The following MALRD1 variants were observed in gnomAD, a reference collection of about 807,000 sequenced individuals.
MALRD1 encodes the protein MAM and LDL-receptor class A domain-containing protein 1.
In MALRD1, 247 loss-of-function variants were observed where a neutral mutation model predicts 242.1. That is an observed-to-expected ratio of 1.02 (90% CI 0.92 to 1.13). MALRD1 has a LOEUF of 1.13. Ranked by LOEUF, MALRD1 falls within the 50% of genes most tolerant of loss-of-function variation. MALRD1 has a pLI of 0.00. For synonymous variants in MALRD1, 995 were observed against 866.6 expected (o/e 1.15, Z -2.60); for missense variants, 2,989 against 2,533.1 (o/e 1.18, Z -3.86).
chr10:19,226,406 C>A (rs1326628362), intron 18 of MALRD1, among the ~76,000 whole-genome samples: 1 of 152,104 alleles, frequency 6.6e-6, no homozygotes, highest in Non-Finnish European at 1.5e-5. Flanking sequence ...ATACTTTCTA[C>A]ATAAGATTAT....
chr10:19,247,077 A>G (rs747849201), intron 18 of MALRD1, among the ~76,000 whole-genome samples: 2 of 152,146 alleles, frequency 1.3e-5, no homozygotes, highest in South Asian at 2.1e-4. Context: ...TTGACGAAAC[A>G]TATAATCAAA....
intron 35 of MALRD1, among the ~76,000 whole-genome samples, chr10:19,609,883 A>T (rs1248618940): frequency 6.6e-6 from 1 of 151,952 alleles, no homozygotes; most frequent in Non-Finnish European, 1.5e-5. Flanking sequence ...AAAGGTCACT[A>T]AAAATGTAAA....
intron 36 of MALRD1, among the ~76,000 whole-genome samples, chr10:19,668,274 C>T (rs542975454): frequency 1.3e-5 from 2 of 152,276 alleles, no homozygotes; most frequent in African/African-American, 4.8e-5. Flanking sequence ...GCCAAACTCC[C>T]ACTGTCACCA....
intron 38 of MALRD1, among the ~76,000 whole-genome samples, chr10:19,718,453 C>T (rs532655066): frequency 1.3e-5 from 2 of 152,314 alleles, no homozygotes; most frequent in South Asian, 4.1e-4. Flanking sequence ...GGAGGTCCCA[C>T]ACACTTTTAA....
At chr10:19,415,310 A>G (rs945121047) in intron 28 of MALRD1, among the ~76,000 whole-genome samples, 4 of 152,160 alleles carry the variant, frequency 2.6e-5, no homozygotes, top group African/African-American at 9.6e-5. Context: ...ACTTGTATTC[A>G]TTTCAATAAA....
chr10:19,612,272 T>C (rs1262015516), intron 35 of MALRD1, among the ~76,000 whole-genome samples: 1 of 151,964 alleles, frequency 6.6e-6, no homozygotes, highest in Non-Finnish European at 1.5e-5. Context: ...GAGCTTATGT[T>C]TGTTCTGTTC....
chr10:19,716,293 A>G (rs113301828), intron 38 of MALRD1, among the ~76,000 whole-genome samples: 1 of 152,140 alleles, frequency 6.6e-6, no homozygotes. Flanking sequence ...CTGGGAGGTG[A>G]TTGAATCATG....
At chr10:19,547,205 T>C (rs1835245272) in intron 32 of MALRD1, among the ~76,000 whole-genome samples, 1 of 152,198 alleles carries the variant, frequency 6.6e-6, no homozygotes, top group South Asian at 2.1e-4. Flanking sequence ...CTCTTTCAAA[T>C]AATGTGGGGT....
At chr10:19,587,578 T>G (rs965709175) in intron 33 of MALRD1, among the ~76,000 whole-genome samples, 1 of 152,256 alleles carries the variant, frequency 6.6e-6, no homozygotes, top group Non-Finnish European at 1.5e-5. Context: ...TCATTGCAAA[T>G]TATCAGTGTG....
At chr10:19,240,946 G>T (rs1459201000) in intron 18 of MALRD1, among the ~76,000 whole-genome samples, 1 of 152,046 alleles carries the variant, frequency 6.6e-6, no homozygotes, top group East Asian at 1.9e-4. Context: ...TTTTTAGTGT[G>T]CTGTCGAAGT....
intron 36 of MALRD1, among the ~76,000 whole-genome samples, chr10:19,634,822 A>G (rs1840059195): frequency 6.6e-6 from 1 of 152,176 alleles, no homozygotes; most frequent in African/African-American, 2.4e-5. Context: ...TTGAAAAACA[A>G]CAACAACAAC....
intron 5 of MALRD1, among the ~76,000 whole-genome samples, chr10:19,106,111 T>C (rs1836452942): frequency 6.6e-6 from 1 of 152,052 alleles, no homozygotes; most frequent in South Asian, 2.1e-4. Context: ...TGTGAGTTTG[T>C]TACATGCATA....
chr10:19,407,378 A>G (rs1381741503), intron 28 of MALRD1, among the ~76,000 whole-genome samples: 5 of 152,186 alleles, frequency 3.3e-5, no homozygotes, highest in African/African-American at 1.2e-4. Flanking sequence ...ACAACTCAGG[A>G]CGCTGAGGTG....
At chr10:19,442,748 G>A (rs964914499) in intron 28 of MALRD1, among the ~76,000 whole-genome samples, 4 of 152,026 alleles carry the variant, frequency 2.6e-5, no homozygotes, top group African/African-American at 7.2e-5. Flanking sequence ...TTTTTGCATC[G>A]AGGTTCATCA....
chr10:19,302,943 A>G (rs916374852), intron 21 of MALRD1, among the ~76,000 whole-genome samples: 15 of 151,742 alleles, frequency 9.9e-5, no homozygotes, highest in African/African-American at 2.7e-4. Flanking sequence ...TCTTTAACTC[A>G]GGTTAGTTAG....
At chr10:19,333,011 T>TA (rs1843452114) in intron 24 of MALRD1, among the ~76,000 whole-genome samples, 1 of 152,080 alleles carries the variant, frequency 6.6e-6, no homozygotes, top group Non-Finnish European at 1.5e-5. Context: ...ATCCCTCCCC[T>TA]AGCCCCCTAC....
intron 18 of MALRD1, among the ~76,000 whole-genome samples, chr10:19,244,227 G>A (rs567490050): frequency 2.6e-5 from 4 of 152,030 alleles, no homozygotes; most frequent in Non-Finnish European, 4.4e-5. Flanking sequence ...TGGTTCCTTA[G>A]GCTTCTTATC....
rs140847332 is a variant in MALRD1 at position 19,163,489 on chromosome 10, G to A, written c.1657-2148G>A. Among the ~76,000 whole-genome samples the A allele has an allele frequency of 2.9e-3, 438 of 151,098 alleles. 18 individuals carry two copies. In the East Asian group the frequency reaches 0.071, roughly 24 times the overall value. On this transcript the variant is annotated intron_variant, in intron 12 of 39. Transcript: ENST00000454679. ...ACACAAAGAAGGAAACAACAGACAC[G>A]GGGGTCTACTTTAGGGGGGAGGGTG...
At chr10:19,057,340 G>A (rs759575990) in intron 1 of MALRD1, among the ~76,000 whole-genome samples, 2 of 152,066 alleles carry the variant, frequency 1.3e-5, no homozygotes, top group Non-Finnish European at 2.9e-5. Flanking sequence ...CCTCTGCTTG[G>A]TCTGCAGACG....
Sources: gnomAD v4.1 joint callset for allele counts (sites outside exome capture counted in the v4.1 genomes callset) on GRCh38, gnomAD v4.1.1 for gene constraint, MANE v1.5 for transcripts, NCBI Gene and HGNC (gene_info 2026-07-23, HGNC 2026-07-21) for gene names.